Variants in MPP4 observed in about 807,000 individuals in gnomAD.
MPP4 encodes MAGUK p55 subfamily member 4.
In MPP4, 91 loss-of-function variants were observed where a neutral mutation model predicts 98.3. That is an observed-to-expected ratio of 0.93 (90% confidence interval 0.78 to 1.10). MPP4 has a LOEUF of 1.10. Among genes scored for constraint, MPP4 ranks in the 50% least tolerant of loss-of-function variants. MPP4 has a pLI of 0.00. For missense variants in MPP4, 744 were observed against 792.9 expected (o/e 0.94, Z 0.74); for synonymous variants, 261 against 271.8 (o/e 0.96, Z 0.39).
chr2:201,684,565 G>A (rs891336582), intron 7 of MPP4, among the ~76,000 whole-genome samples: 4 of 152,170 alleles, frequency 2.6e-5, no homozygotes, highest in African/African-American at 9.7e-5. Flanking sequence ...TGAAGGAGAG[G>A]AGTAAGATTT....
intron 12 of MPP4, among the ~76,000 whole-genome samples, chr2:201,669,121 TGAGAGA>T (rs35543688): frequency 7.9e-5 from 8 of 100,694 alleles, no homozygotes; most frequent in South Asian, 3.3e-4. Flanking sequence ...TGTGTGTGTG[TGAGAGA>T]GAGAGAGAGA....
chr2:201,674,623 A>G (rs1276535905), intron 11 of MPP4, among the ~76,000 whole-genome samples: 1 of 152,188 alleles, frequency 6.6e-6, no homozygotes, highest in African/African-American at 2.4e-5. Flanking sequence ...CCTTCATTCC[A>G]GGGTTCGCTT....
Position 201,685,749 on chromosome 2 carries a change from C to T in MPP4, c.492+170G>A, listed in dbSNP as rs115637332. Among the ~76,000 whole-genome samples, 360 of 152,260 alleles carry T rather than the reference C, an allele frequency of 2.4e-3. 5 individuals are homozygous for T. The highest frequency in any genetic ancestry group is 8.1e-3 in the African/African-American group (337 of 41,546). ...TCTTTCCTTAGAGAAAACACCGTGA[C>T]ATGTAATATGTTTGAAACCACAGGC... On this transcript the variant is annotated intron_variant, in intron 6 of 21. Coordinates refer to ENST00000409474, the MANE Select transcript of MPP4 (RefSeq NM_033066.3).
At chr2:201,685,298 CTTTCAATCAATGCAGCTCTGGTT>C (rs1688794250) in intron 6 of MPP4, among the ~76,000 whole-genome samples, 153 bp from the exon 7 acceptor site, 1 of 36,044 alleles carries the variant, frequency 2.8e-5, no homozygotes, top group East Asian at 8.0e-4. Context: ...CAGCTCTGGT[CTTTCAATCAATGCAGCTCTGGTT>C]TTTCAAACAA....
At chr2:201,687,842 T>A (rs985920422) in intron 4 of MPP4, among the ~76,000 whole-genome samples, 1 of 152,222 alleles carries the variant, frequency 6.6e-6, no homozygotes, top group Non-Finnish European at 1.5e-5. Context: ...TCATAATTTC[T>A]CTTTTAGAGT....
rs74421079 is a variant in MPP4, at chr2:201,647,748, T to C, written c.1662A>G (p.Lys554=). The change falls in exon 21 of 22, where the codon AAA becomes AAG. Residue 554 remains lysine (K), a synonymous_variant. Transcript: ENST00000409474. ...TAACCTTGGCATTTTTCCGAGATTG[T>C]TTCATACACCTCATATTCGATGGCT... is the stretch of plus-strand genomic sequence containing the variant. ...FIKPSNMRCM[K]QSRKNAKVIT... 5,463 of 1,614,014 alleles carry C rather than the reference T, an allele frequency of 3.4e-3. 14 individuals carry two copies. Among genetic ancestry groups the C allele is most frequent in the Admixed American group, 4.8e-3 (290 of 60,028 alleles).
intron 16 of MPP4, among the ~76,000 whole-genome samples, chr2:201,657,954 GTT>G (rs775379919): frequency 7.7e-5 from 10 of 129,990 alleles, no homozygotes; most frequent in Non-Finnish European, 1.5e-4. Flanking sequence ...GTGGCCCCTT[GTT>G]TTTTTTTTTT....
At chr2:201,686,194 A>G (rs1293496538) in intron 5 of MPP4, 144 bp from the exon 6 acceptor site, 1 of 931,622 alleles carries the variant, frequency 1.1e-6, no homozygotes, top group African/African-American at 1.7e-5. Context: ...AGCATTTTAT[A>G]TGAATTAATC....
chr2:201,668,271 G>A, intron 12 of MPP4, among the ~76,000 whole-genome samples: 1 of 152,086 alleles, frequency 6.6e-6, no homozygotes, highest in Admixed American at 6.5e-5. Context: ...GTACTGAATT[G>A]TGTTCCCCCC....
intron 20 of MPP4, among the ~76,000 whole-genome samples, chr2:201,649,174 A>G (rs1687649523): frequency 6.6e-6 from 1 of 152,116 alleles, no homozygotes; most frequent in Non-Finnish European, 1.5e-5. Flanking sequence ...TCTTACCTTA[A>G]CTTGCTCACC....
At chr2:201,651,073 G>A in intron 18 of MPP4, 2 of 985,360 alleles carry the variant, frequency 2.0e-6, no homozygotes, top group South Asian at 4.7e-5. Context: ...CCTATATACT[G>A]TAAAGCTAGT....
At position 201,693,034 on chromosome 2, in the gene MPP4, G is replaced by A; in HGVS notation, c.80-5C>T. 14 of 1,611,022 alleles carry A rather than the reference G, an allele frequency of 8.7e-6. No individual in the cohort carries two copies. The highest frequency in any genetic ancestry group is 1.2e-5 in the Non-Finnish European group (14 of 1,178,710). ...GCCTCAGGATCTGGGAGAGGCCTAGGAAAGGAAGAGAGCAGAGATGGGGTG... is the reference window on the plus strand; with the variant it reads ...GCCTCAGGATCTGGGAGAGGCCTAGAAAAGGAAGAGAGCAGAGATGGGGTG... On this transcript the variant is annotated splice_region_variant and splice_polypyrimidine_tract_variant and intron_variant, in intron 2 of 21. Transcript: ENST00000409474.
At chr2:201,670,052 AC>A (rs1247685798) in intron 11 of MPP4, among the ~76,000 whole-genome samples, 2 of 152,206 alleles carry the variant, frequency 1.3e-5, no homozygotes, top group African/African-American at 4.8e-5. Context: ...TTCTGAATTA[AC>A]ATGCTTACTT....
chr2:201,649,749 G>C, intron 19 of MPP4, 65 bp from the exon 20 acceptor site: 1 of 1,057,616 alleles, frequency 9.5e-7, no homozygotes, highest in Non-Finnish European at 1.4e-6. Flanking sequence ...GTAGTAACAT[G>C]AGGATAAACT....
At chr2:201,650,714 C>T (rs1687690944) in intron 18 of MPP4, 1 of 985,278 alleles carries the variant, frequency 1.0e-6, no homozygotes, top group Non-Finnish European at 1.2e-6. Context: ...TTTTTTACAA[C>T]AATAGATTCT....
chr2:201,666,502 C>A, intron 12 of MPP4, 130 bp from the exon 13 acceptor site: 2 of 624,534 alleles, frequency 3.2e-6, no homozygotes, highest in Non-Finnish European at 5.3e-6. Context: ...GGGCGGATCA[C>A]CTGAGATCAA....
intron 5 of MPP4, 53 bp downstream of exon 5, chr2:201,687,238 A>C (rs747909825): frequency 8.3e-5 from 119 of 1,429,716 alleles, no homozygotes; most frequent in Middle Eastern, 3.5e-4. Context: ...CTCCTTCCCA[A>C]CTTTGTCTAT....
At chr2:201,690,379 A>G (rs1688976952) in intron 3 of MPP4, 100 bp from the exon 4 acceptor site, 2 of 734,028 alleles carry the variant, frequency 2.7e-6, no homozygotes, top group African/African-American at 1.8e-5. Flanking sequence ...AGGCAACTGC[A>G]CCAATGGCTG....
intron 1 of MPP4, chr2:201,698,018 C>T: frequency 1.0e-6 from 1 of 985,424 alleles, no homozygotes; most frequent in Non-Finnish European, 1.2e-6. Flanking sequence ...TTGATTGAGA[C>T]TGCAAATAAG....
Sources: allele counts gnomAD v4.1 joint callset (sites outside exome capture counted in the v4.1 genomes callset), GRCh38; gene constraint gnomAD v4.1.1; transcripts MANE v1.5; gene names NCBI Gene and HGNC (gene_info 2026-07-23, HGNC 2026-07-21).